Variants in PDGFD observed in about 807,000 individuals in gnomAD.
PDGFD encodes platelet-derived growth factor D.
In PDGFD, 30 loss-of-function variants were observed where a neutral mutation model predicts 44.7. The ratio of observed to expected loss-of-function variants is 0.67; its 90% CI spans 0.50 to 0.91. The LOEUF (loss-of-function observed/expected upper bound fraction) is 0.91. Among genes scored for constraint, PDGFD ranks in the 40% least tolerant of loss-of-function variants. The probability of loss-of-function intolerance (pLI) is 0.00; values close to 1 mark genes in which losing one functional copy is unlikely to be tolerated. For synonymous variants in PDGFD, 173 were observed against 168.4 expected, an observed-to-expected ratio of 1.03 and a Z score of -0.21; for missense variants, 445 against 457.8, an observed-to-expected ratio of 0.97 and a Z score of 0.25.
At chr11:104,052,876 T>A (rs535241920) in intron 1 of PDGFD, among the ~76,000 whole-genome samples, 13 of 150,622 alleles carry the variant, frequency 8.6e-5, no homozygotes, top group African/African-American at 3.2e-4. Context: ...TTTCCCTCTC[T>A]CATGGTTCAT....
At chr11:104,161,437 G>T (rs1294821528) in intron 1 of PDGFD, among the ~76,000 whole-genome samples, 2 of 152,104 alleles carry the variant, frequency 1.3e-5, no homozygotes, top group African/African-American at 4.8e-5. Context: ...CTTTCTCTCT[G>T]TCAGCTATGG....
chr11:104,039,222 A>G lies in PDGFD; in HGVS notation c.125-38967T>C, dbSNP rs1362258387. ...GATGTGTATGTTTTGATTACACTTA[A>G]TTACTTAGACAAATTAGTTCACCTA... On this transcript the variant is annotated intron_variant, in intron 1 of 6. Coordinates refer to ENST00000393158, the MANE Select transcript of PDGFD (RefSeq NM_025208.5). 3 of 166,568 alleles carry G rather than the reference A, an allele frequency of 1.8e-5. No individual in the cohort carries two copies. The East Asian group carries it at 5.8e-4, about 32-fold the overall frequency. The allele number at this position is 166,568 out of a possible 1,614,324, so 10.3% of individuals were successfully genotyped here.
intron 6 of PDGFD, among the ~76,000 whole-genome samples, chr11:103,920,825 G>A (rs529222839): frequency 1.3e-5 from 2 of 152,288 alleles, no homozygotes; most frequent in Admixed American, 6.5e-5. Context: ...AACATTTACT[G>A]TTCTGGATCA....
intron 1 of PDGFD, among the ~76,000 whole-genome samples, chr11:104,062,516 G>A (rs532388684): frequency 5.9e-5 from 9 of 152,272 alleles, no homozygotes; most frequent in Admixed American, 5.9e-4. Flanking sequence ...TTGTTAGGCT[G>A]CAAAAATATC....
At chr11:104,002,169 G>T (rs1360827695) in intron 1 of PDGFD, among the ~76,000 whole-genome samples, 3 of 152,140 alleles carry the variant, frequency 2.0e-5, no homozygotes, top group African/African-American at 7.2e-5. Context: ...CCCTTCCCTT[G>T]ATCTTATGCT....
At chr11:103,942,279 A>T (rs1858596932) in intron 5 of PDGFD, among the ~76,000 whole-genome samples, 1 of 152,148 alleles carries the variant, frequency 6.6e-6, no homozygotes, top group African/African-American at 2.4e-5. Flanking sequence ...CATTTCAATT[A>T]TAACAAACCT....
intron 5 of PDGFD, among the ~76,000 whole-genome samples, chr11:103,937,758 G>A: frequency 7.5e-6 from 1 of 133,362 alleles, no homozygotes; most frequent in African/African-American, 2.9e-5. Context: ...CTGTGTCCAT[G>A]TGTTCTCATT....
chr11:103,931,732 G>T (rs1055310141), intron 5 of PDGFD, among the ~76,000 whole-genome samples: 2 of 152,074 alleles, frequency 1.3e-5, no homozygotes, highest in African/African-American at 4.8e-5. Flanking sequence ...GACTACAGGT[G>T]TGTGCCACAT....
At chr11:104,020,175 A>G (rs1477539230) in intron 1 of PDGFD, among the ~76,000 whole-genome samples, 1 of 152,150 alleles carries the variant, frequency 6.6e-6, no homozygotes, top group East Asian at 1.9e-4. Flanking sequence ...ATATGTAATA[A>G]AATGTAGAGA....
In PDGFD at chr11:103,944,176, C is replaced by G. The variant is rs369745000; in HGVS notation, c.574-526G>C. On this transcript the variant is annotated intron_variant, in intron 4 of 6. Transcript: ENST00000393158. ...ATTTTCATAAAATTTAGCACTTTCA[C>G]CAACTTATTTACTGTCAACAAAGAT... Among the ~76,000 whole-genome samples the G allele has an allele frequency of 1.6e-4, 24 of 152,276 alleles. No homozygotes were observed. In the South Asian group the frequency reaches 4.4e-3, roughly 28 times the overall value.
At chr11:104,043,290 G>A (rs1371693105) in intron 1 of PDGFD, among the ~76,000 whole-genome samples, 2 of 152,100 alleles carry the variant, frequency 1.3e-5, no homozygotes, top group Admixed American at 1.3e-4. Context: ...ATTTCTTCAC[G>A]CAGCCACCAA....
chr11:104,039,892 T>C (rs1860320267), intron 1 of PDGFD, among the ~76,000 whole-genome samples: 1 of 152,084 alleles, frequency 6.6e-6, no homozygotes, highest in African/African-American at 2.4e-5. Context: ...GTCTGACCCT[T>C]TAAAGTTAGC....
intron 1 of PDGFD, among the ~76,000 whole-genome samples, chr11:104,099,683 AC>A (rs1861342614): frequency 6.7e-6 from 1 of 149,562 alleles, no homozygotes; most frequent in African/African-American, 2.4e-5. Context: ...AATAAATCAA[AC>A]CAAAAAATGG....
intron 1 of PDGFD, 97 bp from the exon 2 acceptor site, chr11:104,000,352 A>G: frequency 9.4e-7 from 1 of 1,063,234 alleles, no homozygotes; most frequent in Non-Finnish European, 1.4e-6. Context: ...ACTTCAAAAC[A>G]CTTCTTTATT....
chr11:103,931,268 T>G (rs966663226), intron 5 of PDGFD, among the ~76,000 whole-genome samples: 2 of 152,246 alleles, frequency 1.3e-5, no homozygotes, highest in African/African-American at 4.8e-5. Context: ...AATCAAGGTA[T>G]GTAAAGGTAA....
At chr11:104,047,966 T>G (rs184440840) in intron 1 of PDGFD, among the ~76,000 whole-genome samples, 1 of 152,132 alleles carries the variant, frequency 6.6e-6, no homozygotes, top group Non-Finnish European at 1.5e-5. Flanking sequence ...ATATCTTTGA[T>G]AGTGATGAAA....
chr11:103,990,932 G>A (rs1859441313), intron 3 of PDGFD, among the ~76,000 whole-genome samples: 1 of 152,128 alleles, frequency 6.6e-6, no homozygotes, highest in South Asian at 2.1e-4. Flanking sequence ...GAGGTCAGGA[G>A]GTCGAGACCA....
intron 2 of PDGFD, among the ~76,000 whole-genome samples, chr11:103,999,121 T>C (rs557127971): frequency 1.3e-5 from 2 of 152,276 alleles, no homozygotes; most frequent in African/African-American, 2.4e-5. Flanking sequence ...TAGAAAGTAA[T>C]AGTCAGTGCT....
intron 1 of PDGFD, among the ~76,000 whole-genome samples, chr11:104,129,388 A>C (rs927070078): frequency 1.3e-5 from 2 of 151,986 alleles, no homozygotes; most frequent in African/African-American, 4.8e-5. Flanking sequence ...CTTTCCCTTA[A>C]CCTGCAACGT....
Sources: allele counts gnomAD v4.1 joint callset (sites outside exome capture counted in the v4.1 genomes callset), GRCh38; gene constraint gnomAD v4.1.1; transcripts MANE v1.5; gene names NCBI Gene and HGNC (gene_info 2026-07-23, HGNC 2026-07-21).